The following DPP10 variants were observed in gnomAD, a reference collection of about 807,000 sequenced individuals.
DPP10 encodes dipeptidyl peptidase like 10, also known as inactive dipeptidyl peptidase 10.
In DPP10, 33 loss-of-function variants were observed where a neutral mutation model predicts 120.9. The ratio of observed to expected loss-of-function variants is 0.27; its 90% CI spans 0.21 to 0.37. The LOEUF (loss-of-function observed/expected upper bound fraction) is 0.37. Ranked by LOEUF, DPP10 falls within the 10% of genes least tolerant of loss-of-function variation. DPP10 has a pLI of 1.00. For missense variants in DPP10, 816 were observed against 942.8 expected (o/e 0.87, Z 1.76); for synonymous variants, 337 against 326.1 (o/e 1.03, Z -0.36).
intron 1 of DPP10, among the ~76,000 whole-genome samples, chr2:114,836,788 A>G (rs1324415653): frequency 2.0e-5 from 3 of 152,180 alleles, no homozygotes; most frequent in Non-Finnish European, 2.9e-5. Context: ...TCCATAAAAG[A>G]TGGCCGCACC....
chr2:115,086,887 C>T (rs775450060), intron 1 of DPP10, among the ~76,000 whole-genome samples: 1 of 152,158 alleles, frequency 6.6e-6, no homozygotes, highest in Non-Finnish European at 1.5e-5. Flanking sequence ...GCCGTGGTCA[C>T]TCATATTTGT....
chr2:115,559,743 C>T (rs77426491), intron 5 of DPP10, among the ~76,000 whole-genome samples: 16,941 of 152,068 alleles, frequency 0.11, 1,218 homozygotes, highest in African/African-American at 0.21. Flanking sequence ...CCAAAGTACC[C>T]AGATGGCATT....
At chr2:115,641,203 G>T (rs1218413551) in intron 5 of DPP10, among the ~76,000 whole-genome samples, 1 of 152,092 alleles carries the variant, frequency 6.6e-6, no homozygotes, top group African/African-American at 2.4e-5. Flanking sequence ...TAAATGATCT[G>T]CCTGTGTTCT....
At chr2:115,785,823 T>C (rs762841836) in intron 17 of DPP10, among the ~76,000 whole-genome samples, 1 of 146,222 alleles carries the variant, frequency 6.8e-6, no homozygotes, top group Non-Finnish European at 1.5e-5. Flanking sequence ...TTTCATTCAG[T>C]TCAGCTCTGA....
At chr2:115,297,957 A>G (rs1380190816) in intron 1 of DPP10, among the ~76,000 whole-genome samples, 2 of 152,082 alleles carry the variant, frequency 1.3e-5, no homozygotes, top group Non-Finnish European at 2.9e-5. Context: ...TGGGTCAACA[A>G]CTGTACTCCT....
At chr2:114,456,510 T>C (rs1678594320) in intron 1 of DPP10, among the ~76,000 whole-genome samples, 1 of 152,238 alleles carries the variant, frequency 6.6e-6, no homozygotes, top group African/African-American at 2.4e-5. Context: ...CAAAACATTT[T>C]AGATTTTTTT....
chr2:115,594,781 T>G (rs2082888876), intron 5 of DPP10, among the ~76,000 whole-genome samples: 1 of 152,076 alleles, frequency 6.6e-6, no homozygotes, highest in South Asian at 2.1e-4. Context: ...ACAGCCATGG[T>G]GAAAGACACA....
chr2:114,717,672 C>G (rs1025250286), intron 1 of DPP10, among the ~76,000 whole-genome samples: 4 of 152,060 alleles, frequency 2.6e-5, no homozygotes, highest in African/African-American at 9.7e-5. Flanking sequence ...GTAATGAATG[C>G]CATAATCAGC....
intron 1 of DPP10, among the ~76,000 whole-genome samples, chr2:114,485,467 T>G (rs1419814641): frequency 6.6e-6 from 1 of 151,720 alleles, no homozygotes; most frequent in Admixed American, 6.6e-5. Flanking sequence ...AAACTGTTTT[T>G]TTTTTTTTTG....
rs1023231761 is a variant in DPP10, at chr2:115,535,036, C to T, written c.441+9064C>T. Among the ~76,000 whole-genome samples, 258 of 147,772 alleles carry T rather than the reference C, an allele frequency of 1.7e-3. 1 individual carries two copies. The highest frequency in any genetic ancestry group is 3.5e-3 in the Middle Eastern group (1 of 282). ...AGCCCTTTGTCAGATGAGTAGGTTG[C>T]GAAAATTTTCTCCCATTTTGTAGGT... On this transcript the variant is annotated intron_variant, in intron 5 of 25. Coordinates refer to ENST00000410059, the MANE Select transcript of DPP10 (RefSeq NM_020868.6).
chr2:115,044,746 C>T (rs955948606), intron 1 of DPP10, among the ~76,000 whole-genome samples: 2 of 152,156 alleles, frequency 1.3e-5, no homozygotes, highest in African/African-American at 4.8e-5. Flanking sequence ...TAACCATTCT[C>T]AGTTTCCCCT....
At chr2:115,223,944 A>G (rs539388825) in intron 1 of DPP10, among the ~76,000 whole-genome samples, 11 of 152,290 alleles carry the variant, frequency 7.2e-5, no homozygotes, top group South Asian at 6.2e-4. Context: ...ATGTTACTCA[A>G]TTATATCTAT....
At chr2:114,971,764 T>G (rs1699412598) in intron 1 of DPP10, among the ~76,000 whole-genome samples, 1 of 152,230 alleles carries the variant, frequency 6.6e-6, no homozygotes, top group Non-Finnish European at 1.5e-5. Flanking sequence ...CTTCAGATGT[T>G]TAATTTTTCA....
At chr2:115,552,627 C>T (rs2079944548) in intron 5 of DPP10, among the ~76,000 whole-genome samples, 1 of 151,960 alleles carries the variant, frequency 6.6e-6, no homozygotes, top group African/African-American at 2.4e-5. Flanking sequence ...TGTGATAAAA[C>T]AGGGGCAAAT....
chr2:114,784,641 A>T (rs1463395042), intron 1 of DPP10, among the ~76,000 whole-genome samples: 1 of 152,118 alleles, frequency 6.6e-6, no homozygotes, highest in Non-Finnish European at 1.5e-5. Flanking sequence ...CAATATCCAT[A>T]ACCATAATAT....
At chr2:114,716,166 T>C (rs925839566) in intron 1 of DPP10, among the ~76,000 whole-genome samples, 1 of 151,578 alleles carries the variant, frequency 6.6e-6, no homozygotes, top group Non-Finnish European at 1.5e-5. Flanking sequence ...CTAGGAAATA[T>C]AAGAAAGAAA....
chr2:115,279,146 G>A (rs1010918513), intron 1 of DPP10, among the ~76,000 whole-genome samples: 3 of 152,122 alleles, frequency 2.0e-5, no homozygotes, highest in Non-Finnish European at 4.4e-5. Context: ...AAACTCAGAA[G>A]CCATTCTTAC....
At chr2:114,490,218 C>T (rs1179615292) in intron 1 of DPP10, among the ~76,000 whole-genome samples, 2 of 149,480 alleles carry the variant, frequency 1.3e-5, no homozygotes, top group Admixed American at 1.4e-4. Flanking sequence ...TCTTGTTCTG[C>T]ATCTGGTAAG....
intron 5 of DPP10, among the ~76,000 whole-genome samples, chr2:115,663,232 A>AT (rs1490101690): frequency 3.3e-5 from 5 of 152,156 alleles, no homozygotes; most frequent in Non-Finnish European, 7.3e-5. Flanking sequence ...GTATTTTTTA[A>AT]AATTCTTGAG....
Sources: gnomAD v4.1 joint callset for allele counts (sites outside exome capture counted in the v4.1 genomes callset) on GRCh38, gnomAD v4.1.1 for gene constraint, MANE v1.5 for transcripts, NCBI Gene and HGNC (gene_info 2026-07-23, HGNC 2026-07-21) for gene names.